Variants in TNRC18 observed in about 807,000 individuals in gnomAD.
TNRC18 encodes trinucleotide repeat-containing gene 18 protein.
TNRC18 carries 69 observed loss-of-function variants against 226.7 expected under a neutral mutation model. That is an observed-to-expected ratio of 0.30 (90% CI 0.25 to 0.37). TNRC18 has a LOEUF of 0.37. TNRC18 is among the 10% of genes least tolerant of loss of function. The pLI is 1.00. For synonymous variants in TNRC18, 2,449 were observed against 1,927.6 expected (o/e 1.27, Z -7.09); for missense variants, 4,754 against 4,256.6 (o/e 1.12, Z -3.25).
chr7:5,415,717 A>G (rs189394494), intron 2 of TNRC18, among the ~76,000 whole-genome samples: 10 of 151,844 alleles, frequency 6.6e-5, no homozygotes, highest in African/African-American at 2.4e-4. Flanking sequence ...ACATTTTTAA[A>G]CATCAGATTA....
intron 8 of TNRC18, 122 bp from the exon 9 acceptor site, chr7:5,376,346 C>T (rs1251622699): frequency 8.7e-6 from 8 of 916,094 alleles, no homozygotes; most frequent in South Asian, 1.9e-5. Flanking sequence ...GGGCTCTCTG[C>T]GGGCCCCCGG....
chr7:5,318,239 G>T (rs1366262431), intron 24 of TNRC18, among the ~76,000 whole-genome samples: 5 of 152,194 alleles, frequency 3.3e-5, no homozygotes, highest in Non-Finnish European at 4.4e-5. Context: ...GGCTGGTTTT[G>T]AACTCCTGGG....
At chr7:5,407,219 T>C (rs1258873956) in intron 2 of TNRC18, 1 of 152,412 alleles carries the variant, frequency 6.6e-6, no homozygotes, top group East Asian at 1.9e-4. Flanking sequence ...GGAACTCCCA[T>C]CGGCGCAGAA....
chr7:5,414,021 C>T (rs553724724), intron 2 of TNRC18, among the ~76,000 whole-genome samples: 95 of 152,044 alleles, frequency 6.2e-4, no homozygotes, highest in African/African-American at 1.5e-3. Context: ...GGCACGATCT[C>T]GGCTCACTGC....
chr7:5,321,284 G>A, intron 21 of TNRC18, 94 bp from the exon 22 acceptor site: 1 of 907,448 alleles, frequency 1.1e-6, no homozygotes, highest in Non-Finnish European at 1.7e-6. Context: ...CCCTTGGAAT[G>A]GAGGCCCTGG....
Position 5,389,163 on chromosome 7 carries a change from C to G in TNRC18, c.661G>C (p.Gly221Arg). 1 of 1,325,216 alleles carries G rather than the reference C, an allele frequency of 7.5e-7. No individual in the cohort carries two copies. Among genetic ancestry groups the G allele is most frequent in the Non-Finnish European group, 9.6e-7 (1 of 1,038,244 alleles). The allele number at this position is 1,325,216 out of a possible 1,614,324, so 82.1% of individuals were successfully genotyped here. ...GRGGEPPPLF[G>R]KKDPRARGEE... Reference sequence around the variant, plus strand: ...CCCCGGGCGCGCGGGTCCTTCTTGCCGAAAAGCGGAGGCGGCTCCCCGCCG... The same window carrying G: ...CCCCGGGCGCGCGGGTCCTTCTTGCGGAAAAGCGGAGGCGGCTCCCCGCCG... Residue 221 changes from glycine (G) to arginine (R), a missense_variant, in exon 5 of 30, where the codon GGC becomes CGC. Physicochemically the swap from Gly to Arg is moderately radical, Grantham distance 125. Transcript: ENST00000430969.
In TNRC18 at chr7:5,388,500, C is replaced by T; in HGVS notation, c.1324G>A (p.Ala442Thr). ...VIRSLKRPPP[A>T]DAPTVRATRA... ...GTGGCCCGCACCGTGGGGGCATCCG[C>T]GGGGGGCGGCCGCTTGAGCGAGCGG... The change falls in exon 5 of 30, where the codon GCG (alanine) becomes ACG (threonine). Residue 442 changes from alanine (A) to threonine (T), a missense_variant. Physicochemically the swap from Ala to Thr is moderately conservative, Grantham distance 58. Transcript: ENST00000430969. The T allele has an allele frequency of 2.2e-6, 3 of 1,336,928 alleles. No homozygotes were observed. Among genetic ancestry groups the T allele is most frequent in the Middle Eastern group, 2.3e-4 (1 of 4,398 alleles). 82.8% of individuals were successfully genotyped at this position (1,336,928 alleles called of 1,614,324 possible). A position where few individuals can be genotyped will look rare whatever the true frequency, so the allele number is the denominator to read the frequency against.
intron 2 of TNRC18, among the ~76,000 whole-genome samples, chr7:5,404,092 G>A (rs555443676): frequency 6.6e-6 from 1 of 152,272 alleles, no homozygotes; most frequent in Admixed American, 6.5e-5. Context: ...CCCAGGCAGG[G>A]CCGGGGGCGG....
In TNRC18 at chr7:5,374,233, C is replaced by T. The variant is rs1317864293; in HGVS notation, c.3051G>A (p.Lys1017=). ...TGGCGGGGTAGGCGTAGGCGGGTGG[C>T]TTGGACACGTCCTCCAGCTTCTGGA... ...KVIQKLEDVS[K]PPAYAYPATP... The change falls in exon 10 of 30, where the codon AAG becomes AAA. Residue 1017 remains lysine (K), a synonymous_variant. Coordinates refer to ENST00000430969, the MANE Select transcript of TNRC18 (RefSeq NM_001080495.3). The T allele has an allele frequency of 7.3e-6, 11 of 1,498,206 alleles. No homozygotes were observed. Among genetic ancestry groups the T allele is most frequent in the Admixed American group, 2.2e-5 (1 of 45,596 alleles). 92.8% of individuals were successfully genotyped at this position (1,498,206 alleles called of 1,614,324 possible).
At chr7:5,359,969 GTC>G (rs1410535192) in intron 14 of TNRC18, among the ~76,000 whole-genome samples, 2 of 151,824 alleles carry the variant, frequency 1.3e-5, no homozygotes, top group South Asian at 2.1e-4. Flanking sequence ...AAGGATTCCA[GTC>G]TCTCTTTTCC....
intron 19 of TNRC18, among the ~76,000 whole-genome samples, chr7:5,331,418 G>A (rs937787681): frequency 6.6e-6 from 1 of 151,988 alleles, no homozygotes; most frequent in Non-Finnish European, 1.5e-5. Context: ...TCTGTAAATG[G>A]GTAGGAAAGA....
At chr7:5,315,308 AGGGGAAAC>A (rs1444853207) in intron 25 of TNRC18, among the ~76,000 whole-genome samples, 160 bp from the exon 26 acceptor site, 2 of 152,218 alleles carry the variant, frequency 1.3e-5, no homozygotes, top group East Asian at 3.8e-4. Context: ...GAGGTCCAGC[AGGGGAAAC>A]CCCGTCTGCA....
chr7:5,378,086 G>T, intron 5 of TNRC18, 62 bp from the exon 6 acceptor site: 1 of 1,398,438 alleles, frequency 7.2e-7, no homozygotes, highest in Non-Finnish European at 9.9e-7. Flanking sequence ...AGACCCATTG[G>T]CCCCACTGCC....
At chr7:5,321,936 A>G (rs1409212175) in intron 21 of TNRC18, among the ~76,000 whole-genome samples, 2 of 151,224 alleles carry the variant, frequency 1.3e-5, no homozygotes, top group Non-Finnish European at 1.5e-5. Context: ...CCTCCCAAGT[A>G]CTGGGATTAC....
Position 5,377,319 on chromosome 7 carries a change from C to CCCCA in TNRC18, c.2461+51_2461+52insTGGG. The CCCCA allele has an allele frequency of 2.0e-6, 2 of 1,016,386 alleles. No individual in the cohort carries two copies. The highest frequency in any genetic ancestry group is 2.9e-6 in the Non-Finnish European group (2 of 694,394). The allele number at this position is 1,016,386 out of a possible 1,614,324, so 63.0% of individuals were successfully genotyped here. A position where few individuals can be genotyped will look rare whatever the true frequency, so the allele number is the denominator to read the frequency against. ...CCTGAGCTCTTGTCCTGCACCCGCC[C>CCCCA]CCTCCCACCCCTCCCTCAGAGAAGG... On this transcript the variant is annotated intron_variant, in intron 7 of 29. Coordinates refer to ENST00000430969, the MANE Select transcript of TNRC18 (RefSeq NM_001080495.3). The surrounding 1 kb of genome is among the most constrained non-coding windows in gnomAD (Gnocchi z 5.8).
Position 5,309,076 on chromosome 7 carries a change from T to G in TNRC18, c.8625+56A>C. ...CTCCAGCACCCAGAACGCCTCGCCC[T>G]CAGGTCTGCCCTACACCGCCTAGGA... On this transcript the variant is annotated intron_variant, in intron 28 of 29. Transcript: ENST00000430969. The surrounding 1 kb of genome is among the most constrained non-coding windows in gnomAD (Gnocchi z 5.7). 6.6e-7 allele frequency: 1 copy of G among 1,526,002 alleles called. No individual in the cohort carries two copies. The highest frequency in any genetic ancestry group is 1.2e-5 in the South Asian group (1 of 84,174). The allele number at this position is 1,526,002 out of a possible 1,614,324, so 94.5% of individuals were successfully genotyped here.
intron 3 of TNRC18, among the ~76,000 whole-genome samples, chr7:5,392,965 T>C (rs11975019): frequency 0.036 from 5,420 of 151,658 alleles, 356 homozygotes; most frequent in African/African-American, 0.12. Flanking sequence ...TGAGCTGAGA[T>C]TGCACCACTG....
At chr7:5,315,870 A>G in intron 25 of TNRC18, 86 bp downstream of exon 25, 1 of 1,018,480 alleles carries the variant, frequency 9.8e-7, no homozygotes, top group Non-Finnish European at 1.4e-6. Context: ...ATGACTTCAG[A>G]CAGAGCTCAG....
At chr7:5,366,339 T>TTTTTC (rs1793623679) in intron 11 of TNRC18, among the ~76,000 whole-genome samples, 1 of 141,264 alleles carries the variant, frequency 7.1e-6, no homozygotes, top group African/African-American at 2.7e-5. Context: ...TTTTTTTTTT[T>TTTTTC]TTTTTGTGAG....
Sources: allele counts gnomAD v4.1 joint callset (sites outside exome capture counted in the v4.1 genomes callset), GRCh38; gene constraint gnomAD v4.1.1; non-coding constraint Gnocchi (gnomAD v3.1); transcripts MANE v1.5; gene names NCBI Gene and HGNC (gene_info 2026-07-23, HGNC 2026-07-21).